Variants in PCDHA2 observed in about 807,000 individuals in gnomAD.
PCDHA2 encodes the protein protocadherin alpha-2.
A neutral mutation model predicts 66.0 loss-of-function variants in PCDHA2; 58 were observed. That is an observed-to-expected ratio of 0.88 (90% confidence interval 0.71 to 1.09). PCDHA2 has a LOEUF of 1.09. Among genes scored for constraint, PCDHA2 ranks in the 50% least tolerant of loss-of-function variants. The pLI, the probability that PCDHA2 is intolerant of heterozygous loss-of-function variation, is 0.00. For missense variants in PCDHA2, 1,267 were observed against 1,242.3 expected (o/e 1.02, Z -0.30); for synonymous variants, 634 against 554.0 (o/e 1.14, Z -2.03).
chr5:140,910,381 TG>T (rs2075003327), intron 1 of PCDHA2, among the ~76,000 whole-genome samples: 1 of 152,188 alleles, frequency 6.6e-6, no homozygotes, highest in Admixed American at 6.5e-5. Context: ...ACCTTGCCTT[TG>T]ACAGTTGACT....
At chr5:140,803,740 G>A (rs2240693) in intron 1 of PCDHA2, 1 of 1,352,158 alleles carries the variant, frequency 7.4e-7, no homozygotes, top group Non-Finnish European at 1.0e-6. Context: ...GGTTAAAACG[G>A]TAAGATTTTT....
intron 2 of PCDHA2, among the ~76,000 whole-genome samples, chr5:140,981,204 A>G (rs782466772): frequency 2.6e-5 from 4 of 152,218 alleles, no homozygotes; most frequent in Non-Finnish European, 5.9e-5. Context: ...CTGTTGCCTC[A>G]TATAACCCCT....
intron 1 of PCDHA2, among the ~76,000 whole-genome samples, chr5:140,914,495 A>G (rs1469336186): frequency 2.0e-5 from 3 of 152,164 alleles, no homozygotes; most frequent in Non-Finnish European, 4.4e-5. Context: ...CTTGTGGGCA[A>G]CAGATCATTG....
chr5:140,893,929 T>C (rs2064240374), intron 1 of PCDHA2, among the ~76,000 whole-genome samples: 1 of 152,214 alleles, frequency 6.6e-6, no homozygotes, highest in South Asian at 2.1e-4. Flanking sequence ...TCAGAATCTC[T>C]ACCTGTTAAT....
At chr5:140,863,497 C>A in intron 1 of PCDHA2, 1 of 434,948 alleles carries the variant, frequency 2.3e-6, no homozygotes, top group South Asian at 1.8e-5. Context: ...AACATTACGG[C>A]TTTTAGTCCT....
chr5:140,986,247 G>A (rs758689038), intron 3 of PCDHA2, among the ~76,000 whole-genome samples: 1 of 152,012 alleles, frequency 6.6e-6, no homozygotes, highest in Non-Finnish European at 1.5e-5. Context: ...GAGCAGACCC[G>A]GACCACAGGC....
intron 1 of PCDHA2, among the ~76,000 whole-genome samples, chr5:140,893,177 T>A (rs2063856203): frequency 6.6e-6 from 1 of 152,232 alleles, no homozygotes; most frequent in Admixed American, 6.5e-5. Flanking sequence ...TTCCACATAG[T>A]AGCTATTGTG....
At chr5:140,863,326 G>A (rs782427157) in intron 1 of PCDHA2, 10 of 1,432,588 alleles carry the variant, frequency 7.0e-6, no homozygotes, top group Non-Finnish European at 9.5e-6. Flanking sequence ...CAGCCTGTTA[G>A]TGCTCACGTT....
At chr5:140,928,309 G>A (rs1554205732) in intron 1 of PCDHA2, 1 of 1,614,122 alleles carries the variant, frequency 6.2e-7, no homozygotes, top group Non-Finnish European at 8.5e-7. Context: ...CCAGGACCCC[G>A]ACCTGGGGAA....
At chr5:140,808,735 G>T (rs1389730174) in intron 1 of PCDHA2, 1 of 1,612,086 alleles carries the variant, frequency 6.2e-7, no homozygotes, top group Non-Finnish European at 8.5e-7. Context: ...AGAGCGGCAA[G>T]GTGTACGCGC....
intron 1 of PCDHA2, chr5:140,836,210 T>G (rs2150255516): frequency 2.2e-5 from 36 of 1,613,654 alleles, no homozygotes; most frequent in Admixed American, 6.7e-5. Flanking sequence ...GGCTTTCGTA[T>G]GAGTTGCAAC....
At chr5:140,828,529 G>A in intron 1 of PCDHA2, 1 of 1,614,222 alleles carries the variant, frequency 6.2e-7, no homozygotes, top group Non-Finnish European at 8.5e-7. Flanking sequence ...ACGAATCTAG[G>A]CTGCCAGATT....
chr5:140,841,966 A>G, intron 1 of PCDHA2: 1 of 1,613,924 alleles, frequency 6.2e-7, no homozygotes, highest in Non-Finnish European at 8.5e-7. Context: ...TGACAGCCAC[A>G]GATGGGGGCA....
At chr5:140,798,882 T>G (rs1442402846) in intron 1 of PCDHA2, among the ~76,000 whole-genome samples, 1 of 152,242 alleles carries the variant, frequency 6.6e-6, no homozygotes, top group Non-Finnish European at 1.5e-5. Context: ...TTCTTAGTTA[T>G]TTGCTGTTTA....
chr5:140,836,849 A>G, intron 1 of PCDHA2: 3 of 822,610 alleles, frequency 3.6e-6, no homozygotes, highest in Non-Finnish European at 3.7e-6. Context: ...ATGTATAATT[A>G]TTATTTTTTA....
intron 1 of PCDHA2, among the ~76,000 whole-genome samples, chr5:140,826,854 T>C (rs2150145601): frequency 0.058 from 8,891 of 152,210 alleles, 860 homozygotes; most frequent in African/African-American, 0.2. Context: ...TCTTGCAATT[T>C]CTAGGTTTAG....
chr5:140,841,115 G>T (rs1777030061), intron 1 of PCDHA2: 4 of 612,976 alleles, frequency 6.5e-6, no homozygotes, highest in Non-Finnish European at 1.1e-5. Flanking sequence ...AGTAATTCAT[G>T]TAATCATTAC....
At chr5:140,982,625 T>C in intron 3 of PCDHA2, 62 bp downstream of exon 3, 1 of 1,582,614 alleles carries the variant, frequency 6.3e-7, no homozygotes, top group South Asian at 1.2e-5. Context: ...ATGACCTACT[T>C]TTGTAAGATC....
At chr5:140,838,642 A>G (rs1255471339) in intron 1 of PCDHA2, among the ~76,000 whole-genome samples, 7 of 152,060 alleles carry the variant, frequency 4.6e-5, no homozygotes, top group African/African-American at 1.5e-4. Context: ...GTTGGTCAAA[A>G]AAATGATAGT....
Sources: allele counts gnomAD v4.1 joint callset (sites outside exome capture counted in the v4.1 genomes callset), GRCh38; gene constraint gnomAD v4.1.1; transcripts MANE v1.5; gene names NCBI Gene and HGNC (gene_info 2026-07-23, HGNC 2026-07-21).